LMX1A: variants seen among roughly 807,000 people sequenced by gnomAD.
The protein encoded by LMX1A is LIM homeobox transcription factor 1 alpha, also known as LIM homeobox transcription factor 1-alpha.
In LMX1A, 15 loss-of-function variants were observed where a neutral mutation model predicts 49.1. The ratio of observed to expected loss-of-function variants is 0.31; its 90% confidence interval spans 0.20 to 0.47. The LOEUF (loss-of-function observed/expected upper bound fraction) is 0.47, where lower values mean the gene tolerates loss of function less well. Among genes scored for constraint, LMX1A ranks in the 20% least tolerant of loss-of-function variants. LMX1A has a pLI of 1.00. For synonymous variants in LMX1A, 167 were observed against 185.7 expected (o/e 0.90, Z 0.82); for missense variants, 372 against 475.8 (o/e 0.78, Z 2.03).
chr1:165,205,889 C>A lies in LMX1A; in HGVS notation c.963G>T (p.Met321Ile). The change falls in exon 8 of 9, where the codon ATG becomes ATT. Residue 321 changes from methionine to isoleucine, a missense_variant. By Grantham distance (10) the Met-to-Ile change is conservative. This residue lies in a region of LMX1A where 127 missense variants were observed against 138.0 expected (regional missense o/e 0.92). Coordinates refer to ENST00000342310, the MANE Select transcript of LMX1A (RefSeq NM_177398.4). ...PFRQGLTPPQ[M>I]PGDHMHPYGA... ...CATAAGGGTGCATGTGGTCTCCAGG[C>A]ATCTGGGGTGGGGTGAGACCCTGTC... 1 of 1,613,896 alleles carries A rather than the reference C, an allele frequency of 6.2e-7. No individual in the cohort carries two copies. Among genetic ancestry groups the A allele is most frequent in the Non-Finnish European group, 8.5e-7 (1 of 1,179,992 alleles).
At chr1:165,213,601 G>A in intron 5 of LMX1A, 40 bp downstream of exon 5, 2 of 1,578,490 alleles carry the variant, frequency 1.3e-6, no homozygotes, top group Non-Finnish European at 1.7e-6. Context: ...ACACAGAGAA[G>A]TGGGGCCCAG....
At chr1:165,284,273 T>C (rs1437692741) in intron 3 of LMX1A, among the ~76,000 whole-genome samples, 2 of 152,250 alleles carry the variant, frequency 1.3e-5, no homozygotes, top group Admixed American at 1.3e-4. Context: ...GCTGTAAATG[T>C]ATGGATTATT....
intron 3 of LMX1A, among the ~76,000 whole-genome samples, chr1:165,349,802 G>A (rs907591275): frequency 1.3e-5 from 2 of 152,170 alleles, no homozygotes; most frequent in Non-Finnish European, 2.9e-5. Flanking sequence ...ATAGCTAGTT[G>A]AGAGAATGAA....
At chr1:165,266,628 G>T (rs1425309957) in intron 3 of LMX1A, among the ~76,000 whole-genome samples, 2 of 131,686 alleles carry the variant, frequency 1.5e-5, no homozygotes, top group African/African-American at 2.9e-5. Flanking sequence ...TTGAGACAGG[G>T]TCTCGCTCTC....
chr1:165,275,430 T>C (rs1653935443), intron 3 of LMX1A, among the ~76,000 whole-genome samples: 1 of 152,202 alleles, frequency 6.6e-6, no homozygotes, highest in Admixed American at 6.5e-5. Context: ...AACATCCCAG[T>C]AAAAATACCA....
intron 4 of LMX1A, among the ~76,000 whole-genome samples, chr1:165,246,795 T>G (rs557270473): frequency 5.4e-5 from 6 of 110,532 alleles, no homozygotes; most frequent in African/African-American, 1.8e-4. Flanking sequence ...GACCTCCCCA[T>G]CCCCACATCA....
At chr1:165,254,775 G>T (rs1005193448) in intron 3 of LMX1A, among the ~76,000 whole-genome samples, 2 of 152,172 alleles carry the variant, frequency 1.3e-5, no homozygotes, top group African/African-American at 2.4e-5. Context: ...ATCGCTGAGG[G>T]TTCAGAGCCT....
intron 3 of LMX1A, among the ~76,000 whole-genome samples, chr1:165,318,006 A>T (rs918407627): frequency 2.6e-5 from 4 of 152,238 alleles, no homozygotes; most frequent in Non-Finnish European, 5.9e-5. Flanking sequence ...GAGGAAAAGC[A>T]CTAAATCATT....
chr1:165,289,354 G>A (rs1018041428), intron 3 of LMX1A, among the ~76,000 whole-genome samples: 1 of 152,046 alleles, frequency 6.6e-6, no homozygotes, highest in African/African-American at 2.4e-5. Context: ...GCTGATATGA[G>A]CATTCTAGCA....
At chr1:165,239,056 C>T (rs1476714340) in intron 4 of LMX1A, among the ~76,000 whole-genome samples, 1 of 95,920 alleles carries the variant, frequency 1.0e-5, no homozygotes, top group Non-Finnish European at 2.0e-5. Flanking sequence ...ACATCATTAT[C>T]ATCATCATCA....
At chr1:165,344,966 A>G (rs1656188989) in intron 3 of LMX1A, among the ~76,000 whole-genome samples, 1 of 151,912 alleles carries the variant, frequency 6.6e-6, no homozygotes, top group African/African-American at 2.4e-5. Flanking sequence ...CGGGTGCTCA[A>G]ACAAAGACAT....
At chr1:165,291,674 T>C (rs1654469532) in intron 3 of LMX1A, among the ~76,000 whole-genome samples, 1 of 152,196 alleles carries the variant, frequency 6.6e-6, no homozygotes, top group South Asian at 2.1e-4. Context: ...ATTTTATAGA[T>C]GGGAAACTGA....
intron 4 of LMX1A, among the ~76,000 whole-genome samples, chr1:165,224,082 C>G (rs1651950688): frequency 6.6e-6 from 1 of 152,102 alleles, no homozygotes; most frequent in Non-Finnish European, 1.5e-5. Context: ...TAACACCATC[C>G]CTCTTGGTGT....
In LMX1A at chr1:165,210,852, T is replaced by A. The variant is rs1532815; in HGVS notation, c.670-76A>T. ...AGGTAGAACATCTCCTATATAATAC[T>A]TGAGGAGGCCAAAAGACTGTATCTG... On this transcript the variant is annotated intron_variant, in intron 5 of 8. Transcript: ENST00000342310. The A allele has an allele frequency of 0.73, 745,309 of 1,018,780 alleles. 279,651 individuals are homozygous for A. Among genetic ancestry groups the A allele is most frequent in the African/African-American group, 0.94 (58,420 of 62,480 alleles). The allele number at this position is 1,018,780 out of a possible 1,614,324, so 63.1% of individuals were successfully genotyped here.
chr1:165,284,708 T>C (rs1247478828), intron 3 of LMX1A, among the ~76,000 whole-genome samples: 1 of 152,236 alleles, frequency 6.6e-6, no homozygotes, highest in African/African-American at 2.4e-5. Flanking sequence ...GCTTGTCTGC[T>C]GAGCGCAAGC....
intron 4 of LMX1A, among the ~76,000 whole-genome samples, chr1:165,240,730 G>A (rs974828006): frequency 2.8e-4 from 42 of 152,226 alleles, no homozygotes; most frequent in Admixed American, 7.8e-4. Flanking sequence ...TTAACTGTCA[G>A]GTTCAATGTC....
chr1:165,208,893 C>G (rs1030584219), intron 6 of LMX1A, among the ~76,000 whole-genome samples: 1 of 152,130 alleles, frequency 6.6e-6, no homozygotes, highest in African/African-American at 2.4e-5. Flanking sequence ...GTGATCCACC[C>G]GCCTCGGCCT....
chr1:165,246,169 T>A (rs1652843102), intron 4 of LMX1A, among the ~76,000 whole-genome samples: 2 of 152,148 alleles, frequency 1.3e-5, no homozygotes. Context: ...TACTTATTGA[T>A]CACTTACTCT....
At chr1:165,323,750 TG>T (rs1176469772) in intron 3 of LMX1A, among the ~76,000 whole-genome samples, 1 of 152,202 alleles carries the variant, frequency 6.6e-6, no homozygotes, top group Non-Finnish European at 1.5e-5. Flanking sequence ...AGTCCTTGCG[TG>T]TTTAATTTAT....
Sources: allele counts gnomAD v4.1 joint callset (sites outside exome capture counted in the v4.1 genomes callset), GRCh38; gene constraint gnomAD v4.1.1; regional missense constraint gnomAD v4.1.1; transcripts MANE v1.5; gene names NCBI Gene and HGNC (gene_info 2026-07-23, HGNC 2026-07-21).